The following ABCC1 variants were observed in gnomAD, a reference collection of about 807,000 sequenced individuals.
ABCC1 encodes the protein multidrug resistance-associated protein 1.
A neutral mutation model predicts 172.9 loss-of-function variants in ABCC1; 83 were observed. That is an observed-to-expected ratio of 0.48 (90% CI 0.40 to 0.58). ABCC1 has a LOEUF of 0.58. Among genes scored for constraint, ABCC1 ranks in the 20% least tolerant of loss-of-function variants. The probability of loss-of-function intolerance (pLI) is 0.00; values close to 1 mark genes in which losing one functional copy is unlikely to be tolerated. For synonymous variants in ABCC1, 937 were observed against 825.2 expected, an observed-to-expected ratio of 1.14 and a Z score of -2.32; for missense variants, 1,817 against 2,002.7, an observed-to-expected ratio of 0.91 and a Z score of 1.77.
At chr16:15,971,082 A>G (rs2046357848) in intron 1 of ABCC1, among the ~76,000 whole-genome samples, 1 of 152,212 alleles carries the variant, frequency 6.6e-6, no homozygotes, top group African/African-American at 2.4e-5. Flanking sequence ...GATCCCCTGT[A>G]TAGAGACGGA....
chr16:16,016,327 T>C (rs2151763039), intron 4 of ABCC1, among the ~76,000 whole-genome samples, 169 bp from the exon 5 acceptor site: 1 of 152,082 alleles, frequency 6.6e-6, no homozygotes, highest in South Asian at 2.1e-4. Context: ...CCAATTTTTG[T>C]ATTTTTAGTA....
chr16:16,076,220 G>A lies in ABCC1; in HGVS notation c.1913-106G>A, dbSNP rs905291460. 2.8e-5 allele frequency: 31 copies of A among 1,098,960 alleles called. 1 individual carries two copies. The South Asian group carries it at 3.6e-4, about 13-fold the overall frequency. 68.1% of individuals were successfully genotyped at this position (1,098,960 alleles called of 1,614,324 possible). A position where few individuals can be genotyped will look rare whatever the true frequency, so the allele number is the denominator to read the frequency against. On this transcript the variant is annotated intron_variant, in intron 14 of 30. Coordinates refer to ENST00000399410, the MANE Select transcript of ABCC1 (RefSeq NM_004996.4). ...CAGATAATAATGCCTAGCGCCATTC[G>A]TGCCAAGCGTCTGGGGTTGAACCAT...
intron 23 of ABCC1, among the ~76,000 whole-genome samples, chr16:16,116,277 C>T (rs2044860470): frequency 6.6e-6 from 1 of 152,000 alleles, no homozygotes; most frequent in African/African-American, 2.4e-5. Context: ...ATATTTCAGT[C>T]AGTGAGATCA....
intron 17 of ABCC1, among the ~76,000 whole-genome samples, chr16:16,084,656 C>T (rs1659135672): frequency 6.8e-6 from 1 of 146,694 alleles, no homozygotes; most frequent in African/African-American, 2.5e-5. Flanking sequence ...AATGGAGTCT[C>T]TCTCTGTCGC....
In ABCC1 at chr16:16,044,633, C is replaced by G. The variant is rs1334955312; in HGVS notation, c.993C>G (p.Phe331Leu). 6.2e-7 allele frequency: 1 copy of G among 1,614,154 alleles called. No individual in the cohort carries two copies. Among genetic ancestry groups the G allele is most frequent in the South Asian group, 1.1e-5 (1 of 91,078 alleles). ...CCTACTTCCTCATGAGCTTCTTCTT[C>G]AAGGCCATCCACGACCTGATGATGT... ...FGPYFLMSFF[F>L]KAIHDLMMFS... The change falls in exon 8 of 31, where the codon TTC becomes TTG. Residue 331 changes from phenylalanine (F) to leucine (L), a missense_variant. This residue lies in a region of ABCC1 where 1,412 missense variants were observed against 1,600.3 expected (regional missense o/e 0.88). Transcript: ENST00000399410.
intron 19 of ABCC1, among the ~76,000 whole-genome samples, chr16:16,095,820 C>T (rs72777618): frequency 0.035 from 5,347 of 152,088 alleles, 128 homozygotes; most frequent in Non-Finnish European, 0.054. Context: ...GCATGAGTCG[C>T]GGCACCTGGC....
At chr16:16,136,682 T>G in intron 29 of ABCC1, 38 bp downstream of exon 29, 1 of 1,606,716 alleles carries the variant, frequency 6.2e-7, no homozygotes, top group South Asian at 1.1e-5. Context: ...GGGTAAGGTG[T>G]CCTAGGCGCC....
intron 27 of ABCC1, among the ~76,000 whole-genome samples, chr16:16,132,336 C>CCAT (rs1217990870): frequency 1.1e-3 from 166 of 151,552 alleles, no homozygotes; most frequent in Non-Finnish European, 1.9e-3. Context: ...CTGCACCTGG[C>CCAT]TAATTTTTGT....
chr16:15,967,011 T>C (rs1426563977), intron 1 of ABCC1, among the ~76,000 whole-genome samples: 1 of 152,144 alleles, frequency 6.6e-6, no homozygotes, highest in African/African-American at 2.4e-5. Context: ...CTTTCATCTT[T>C]AACTTTGGTC....
intron 5 of ABCC1, among the ~76,000 whole-genome samples, chr16:16,022,824 G>A (rs2048238433): frequency 6.6e-6 from 1 of 152,212 alleles, no homozygotes; most frequent in Admixed American, 6.5e-5. Context: ...GGTACCTAGA[G>A]CCACAGTTAA....
Position 16,071,747 on chromosome 16 carries a change from C to T in ABCC1, c.1912+18C>T. On this transcript the variant is annotated intron_variant, in intron 14 of 30. Transcript: ENST00000399410. The stretch of plus-strand genomic sequence containing the variant: ...CAAAGACGGTGTGTGTGTGTTCAGT[C>T]CTGGCTTCTGGAAGTGGCCGCCTTC... 1 of 1,608,662 alleles carries T rather than the reference C, an allele frequency of 6.2e-7. No individual in the cohort carries two copies. The highest frequency in any genetic ancestry group is 8.5e-7 in the Non-Finnish European group (1 of 1,176,778).
At chr16:15,958,643 A>G (rs1293599775) in intron 1 of ABCC1, among the ~76,000 whole-genome samples, 1 of 152,192 alleles carries the variant, frequency 6.6e-6, no homozygotes, top group Non-Finnish European at 1.5e-5. Context: ...ACTTGCCCAA[A>G]CATTTTGCCA....
At chr16:16,115,829 C>G (rs2044835786) in intron 23 of ABCC1, among the ~76,000 whole-genome samples, 1 of 152,020 alleles carries the variant, frequency 6.6e-6, no homozygotes, top group Non-Finnish European at 1.5e-5. Context: ...TTTAATATCC[C>G]AGATACCTGC....
intron 1 of ABCC1, among the ~76,000 whole-genome samples, chr16:16,003,946 G>T (rs576722900): frequency 2.0e-5 from 3 of 150,736 alleles, no homozygotes; most frequent in Non-Finnish European, 4.4e-5. Flanking sequence ...GAATTGGTTG[G>T]GGGGGGTGGA....
At position 16,114,465 on chromosome 16, in the gene ABCC1, C is replaced by T. The variant is rs147660602; in HGVS notation, c.3080-301C>T. 2.5e-3 allele frequency among the ~76,000 whole-genome samples: 377 copies of T among 152,090 alleles called. 4 individuals are homozygous for T. The highest frequency in any genetic ancestry group is 3.7e-3 in the Non-Finnish European group (249 of 67,994). ...AAGCAATTCCCTTGCCTCAGCCTCCCGAGTAGCTGGGATTACAGGCGCCAA... is the reference window on the plus strand; with the variant it reads ...AAGCAATTCCCTTGCCTCAGCCTCCTGAGTAGCTGGGATTACAGGCGCCAA... On this transcript the variant is annotated intron_variant, in intron 22 of 30. Coordinates refer to ENST00000399410, the MANE Select transcript of ABCC1 (RefSeq NM_004996.4).
chr16:15,969,711 G>C (rs1449086808), intron 1 of ABCC1, among the ~76,000 whole-genome samples: 1 of 151,864 alleles, frequency 6.6e-6, no homozygotes, highest in Non-Finnish European at 1.5e-5. Context: ...TGTACAGGTA[G>C]GTCCTGGGGA....
At chr16:16,022,425 G>C (rs560598113) in intron 5 of ABCC1, among the ~76,000 whole-genome samples, 1 of 152,252 alleles carries the variant, frequency 6.6e-6, no homozygotes, top group Admixed American at 6.5e-5. Context: ...TTGGCACTGA[G>C]TCTGTGGTTT....
At chr16:16,016,206 T>C (rs1326318790) in intron 4 of ABCC1, among the ~76,000 whole-genome samples, 1 of 129,064 alleles carries the variant, frequency 7.7e-6, no homozygotes, top group Non-Finnish European at 1.6e-5. Context: ...CAGGCTGGAA[T>C]GCAGTGGCGT....
In ABCC1 at chr16:16,042,702, C is replaced by CA. The variant is rs60790951; in HGVS notation, c.810-1731dup. ...TGTGTGATAGAGCAAGACTCCATCTCAAAAAAAAAAAAAAAAATCCCTATA... is the reference window on the plus strand; with the variant it reads ...TGTGTGATAGAGCAAGACTCCATCTCAAAAAAAAAAAAAAAAAATCCCTATA... On this transcript the variant is annotated intron_variant, in intron 7 of 30. Coordinates refer to ENST00000399410, the MANE Select transcript of ABCC1 (RefSeq NM_004996.4). Among the ~76,000 whole-genome samples the CA allele has an allele frequency of 7.9e-3, 981 of 124,000 alleles. 4 individuals are homozygous for CA. Among genetic ancestry groups the CA allele is most frequent in the East Asian group, 0.014 (63 of 4,404 alleles). 81.3% of individuals were successfully genotyped at this position (124,000 alleles called of 152,430 possible). A position where few individuals can be genotyped will look rare whatever the true frequency, so the allele number is the denominator to read the frequency against.
Sources: allele counts gnomAD v4.1 joint callset (sites outside exome capture counted in the v4.1 genomes callset), GRCh38; gene constraint gnomAD v4.1.1; regional missense constraint gnomAD v4.1.1; transcripts MANE v1.5; gene names NCBI Gene and HGNC (gene_info 2026-07-23, HGNC 2026-07-21).